The following CSMD1 variants were observed in gnomAD, a reference collection of about 807,000 sequenced individuals.
The protein encoded by CSMD1 is CUB and Sushi multiple domains 1.
A neutral mutation model predicts 417.5 loss-of-function variants in CSMD1; 213 were observed. That is an observed-to-expected ratio of 0.51 (90% confidence interval 0.46 to 0.57). CSMD1 has a LOEUF of 0.57. CSMD1 is among the 20% of genes least tolerant of loss of function. CSMD1 has a pLI of 0.00. For synonymous variants in CSMD1, 2,862 were observed against 1,736.8 expected (o/e 1.65, Z -16.11); for missense variants, 6,923 against 4,529.7 (o/e 1.53, Z -15.17).
intron 10 of CSMD1, among the ~76,000 whole-genome samples, chr8:3,503,042 C>G (rs1219266934): frequency 6.6e-6 from 1 of 152,152 alleles, no homozygotes; most frequent in Non-Finnish European, 1.5e-5. Context: ...GCTGTGCAAA[C>G]TGCTCTAAAA....
chr8:3,425,602 A>G (rs1310888686), intron 12 of CSMD1, among the ~76,000 whole-genome samples: 3 of 150,880 alleles, frequency 2.0e-5, no homozygotes, highest in East Asian at 2.0e-4. Flanking sequence ...AAAAAAAAAA[A>G]AAGAAGAAAG....
rs1273766058 is a variant in CSMD1, at chr8:4,838,001, C to A, written c.85+156331G>T. 2.0e-5 allele frequency among the ~76,000 whole-genome samples: 3 copies of A among 152,176 alleles called. No individual in the cohort carries two copies. The South Asian group carries it at 6.2e-4, about 32-fold the overall frequency. ...GCCAGCAGGGGGCAGCAGCTCCATT[C>A]TCTCTGTTCTATGGGCCCAGGAGCT... On this transcript the variant is annotated intron_variant, in intron 1 of 69. Transcript: ENST00000635120.
chr8:4,950,396 C>A (rs2117279772), intron 1 of CSMD1, among the ~76,000 whole-genome samples: 2 of 151,328 alleles, frequency 1.3e-5, no homozygotes, highest in African/African-American at 4.8e-5. Context: ...ACAATGTTAC[C>A]CACAAACAAG....
chr8:3,079,226 G>C (rs1813908014), intron 49 of CSMD1, among the ~76,000 whole-genome samples: 1 of 152,182 alleles, frequency 6.6e-6, no homozygotes, highest in South Asian at 2.1e-4. Context: ...GAGTTGGCCA[G>C]TTTGAGCTAT....
intron 6 of CSMD1, among the ~76,000 whole-genome samples, chr8:3,731,669 G>A (rs531003581): frequency 2.0e-5 from 3 of 152,172 alleles, no homozygotes; most frequent in African/African-American, 7.2e-5. Flanking sequence ...GTACTGGGAG[G>A]TCAGCAACAA....
At chr8:3,439,027 C>T (rs1485630211) in intron 12 of CSMD1, among the ~76,000 whole-genome samples, 2 of 139,906 alleles carry the variant, frequency 1.4e-5, no homozygotes, top group African/African-American at 5.3e-5. Context: ...GAGGCTGAGG[C>T]AGGGAGAATT....
At chr8:3,448,426 A>AGGAAGGCAGGACGGGAGGGAG (rs532643101) in intron 12 of CSMD1, among the ~76,000 whole-genome samples, 1 of 96,098 alleles carries the variant, frequency 1.0e-5, no homozygotes, top group African/African-American at 4.4e-5. Flanking sequence ...AAGGGAAGGA[A>AGGAAGGCAGGACGGGAGGGAG]GAAGGAGCAA....
intron 2 of CSMD1, among the ~76,000 whole-genome samples, chr8:4,554,961 G>C (rs1275902468): frequency 1.3e-5 from 2 of 152,186 alleles, no homozygotes; most frequent in Non-Finnish European, 2.9e-5. Flanking sequence ...AGCCAAGCCT[G>C]CTGGAGGGGC....
intron 3 of CSMD1, among the ~76,000 whole-genome samples, chr8:4,349,045 A>T (rs74364133): frequency 3.9e-5 from 6 of 152,240 alleles, no homozygotes; most frequent in African/African-American, 1.2e-4. Context: ...CATTCTTGCT[A>T]ATTTAGTTAG....
At chr8:4,319,544 G>C (rs1406000775) in intron 3 of CSMD1, among the ~76,000 whole-genome samples, 2 of 152,072 alleles carry the variant, frequency 1.3e-5, no homozygotes, top group Non-Finnish European at 2.9e-5. Flanking sequence ...CAAAGTCACA[G>C]AAATAAAGGA....
At chr8:4,147,597 T>G (rs1377533926) in intron 3 of CSMD1, among the ~76,000 whole-genome samples, 2 of 152,136 alleles carry the variant, frequency 1.3e-5, no homozygotes, top group Admixed American at 1.3e-4. Flanking sequence ...ATAAATAATA[T>G]CGGTTCCCTA....
chr8:3,110,099 T>C lies in CSMD1; in HGVS notation c.6608+59A>G, dbSNP rs542307260. 7.8e-6 allele frequency: 11 copies of C among 1,406,240 alleles called. 1 individual carries two copies. In the Admixed American group the frequency reaches 2.1e-4, roughly 27 times the overall value. 87.1% of individuals were successfully genotyped at this position (1,406,240 alleles called of 1,614,324 possible). ...GCCTTGTATATAAGTGGCATATGTATGCTAAGTCAGAATTGTTGATCACAA... is the reference window on the plus strand; with the variant it reads ...GCCTTGTATATAAGTGGCATATGTACGCTAAGTCAGAATTGTTGATCACAA... On this transcript the variant is annotated intron_variant, in intron 43 of 69. Coordinates refer to ENST00000635120, the MANE Select transcript of CSMD1 (RefSeq NM_033225.6).
intron 20 of CSMD1, among the ~76,000 whole-genome samples, chr8:3,364,870 A>C (rs62503465): frequency 6.6e-6 from 1 of 152,194 alleles, no homozygotes; most frequent in Non-Finnish European, 1.5e-5. Context: ...CAAACAGACT[A>C]AGACAGTAGT....
chr8:3,611,459 C>G (rs556434387), intron 8 of CSMD1, among the ~76,000 whole-genome samples: 97 of 152,104 alleles, frequency 6.4e-4, no homozygotes, highest in Non-Finnish European at 1.1e-3. Context: ...GATAGACCAA[C>G]TATCACTGCT....
intron 3 of CSMD1, among the ~76,000 whole-genome samples, chr8:4,138,540 G>A (rs1585398975): frequency 6.6e-6 from 1 of 151,994 alleles, no homozygotes; most frequent in South Asian, 2.1e-4. Context: ...GAAAGTGATG[G>A]CTATTTTATC....
chr8:4,112,587 C>G (rs1234794066), intron 3 of CSMD1, among the ~76,000 whole-genome samples: 1 of 152,150 alleles, frequency 6.6e-6, no homozygotes, highest in African/African-American at 2.4e-5. Flanking sequence ...GCTGACTTCA[C>G]AGTCTGTGCG....
At chr8:3,627,137 A>C (rs1205744330) in intron 7 of CSMD1, among the ~76,000 whole-genome samples, 1 of 152,146 alleles carries the variant, frequency 6.6e-6, no homozygotes, top group Non-Finnish European at 1.5e-5. Context: ...TAGTCACTCA[A>C]AAATTTAATT....
At chr8:2,999,687 T>C (rs1383755691) in intron 53 of CSMD1, among the ~76,000 whole-genome samples, 4 of 151,992 alleles carry the variant, frequency 2.6e-5, no homozygotes, top group African/African-American at 9.7e-5. Flanking sequence ...ATGACACCAC[T>C]TGGCCAGGGA....
At chr8:4,377,192 C>T (rs1229171518) in intron 3 of CSMD1, among the ~76,000 whole-genome samples, 2 of 152,070 alleles carry the variant, frequency 1.3e-5, no homozygotes, top group South Asian at 2.1e-4. Flanking sequence ...GATTACACAT[C>T]TTTTGGAAGG....
Sources: gnomAD v4.1 joint callset for allele counts (sites outside exome capture counted in the v4.1 genomes callset) on GRCh38, gnomAD v4.1.1 for gene constraint, MANE v1.5 for transcripts, NCBI Gene and HGNC (gene_info 2026-07-23, HGNC 2026-07-21) for gene names.